The following YPEL1 variants were observed in gnomAD, a reference collection of about 807,000 sequenced individuals.
The protein encoded by YPEL1 is protein yippee-like 1.
In YPEL1, 7 loss-of-function variants were observed where a neutral mutation model predicts 17.3. The observed-to-expected ratio is 0.40, with a 90% CI of 0.23 to 0.76. The LOEUF (loss-of-function observed/expected upper bound fraction) is 0.76, where lower values mean the gene tolerates loss of function less well. Ranked by LOEUF, YPEL1 falls within the 30% of genes least tolerant of loss-of-function variation. The probability of loss-of-function intolerance (pLI) is 0.35; values close to 1 mark genes in which losing one functional copy is unlikely to be tolerated. For synonymous variants in YPEL1, 59 were observed against 59.6 expected, an observed-to-expected ratio of 0.99 and a Z score of 0.05; for missense variants, 91 against 155.5, an observed-to-expected ratio of 0.59 and a Z score of 2.21.
intron 1 of YPEL1, among the ~76,000 whole-genome samples, chr22:21,728,999 C>T (rs1438753904): frequency 7.9e-5 from 12 of 152,030 alleles, no homozygotes; most frequent in African/African-American, 1.4e-4. Context: ...AAAAATTAGC[C>T]GGGCATGGTG....
At chr22:21,722,051 C>A (rs572780132) in intron 1 of YPEL1, among the ~76,000 whole-genome samples, 1 of 152,274 alleles carries the variant, frequency 6.6e-6, no homozygotes, top group Admixed American at 6.5e-5. Context: ...TACAGAATTC[C>A]CTTGTCTTTT....
intron 1 of YPEL1, 118 bp from the exon 2 acceptor site, chr22:21,711,026 ATT>A (rs770316486): frequency 4.6e-3 from 1,192 of 257,818 alleles, no homozygotes; most frequent in South Asian, 8.1e-3. Context: ...CAGGACTAGA[ATT>A]TTTTTTTTTT....
intron 1 of YPEL1, among the ~76,000 whole-genome samples, chr22:21,728,736 G>A (rs373125441): frequency 2.6e-5 from 4 of 152,262 alleles, no homozygotes; most frequent in East Asian, 1.9e-4. Flanking sequence ...TAGGCCAGGC[G>A]TGGTGGCTCA....
chr22:21,718,984 AT>A (rs1224288927), intron 1 of YPEL1, among the ~76,000 whole-genome samples: 4 of 148,580 alleles, frequency 2.7e-5, no homozygotes, highest in Non-Finnish European at 6.0e-5. Flanking sequence ...GTTTCTTAGA[AT>A]CAAGAAGACC....
In YPEL1 at chr22:21,710,811, C is replaced by CT. The variant is rs2068157162; in HGVS notation, c.-68dup. On this transcript the variant is annotated 5_prime_UTR_variant, in exon 2 of 5. The change abolishes the stop of an existing upstream ORF in the 5' untranslated region. Coordinates refer to ENST00000339468, the MANE Select transcript of YPEL1 (RefSeq NM_013313.5). ...AAGAACCGTGGCTCTGCTGGCCTCT[C>CT]TGACAAAAGCAACACTGGAAAATGC... 1 of 1,406,920 alleles carries CT rather than the reference C, an allele frequency of 7.1e-7. No individual in the cohort carries two copies. Among genetic ancestry groups the CT allele is most frequent in the Non-Finnish European group, 1.0e-6 (1 of 992,060 alleles). The allele number at this position is 1,406,920 out of a possible 1,614,324, so 87.2% of individuals were successfully genotyped here.
intron 1 of YPEL1, among the ~76,000 whole-genome samples, chr22:21,713,584 G>T (rs1167737553): frequency 6.6e-6 from 1 of 152,162 alleles, no homozygotes; most frequent in East Asian, 1.9e-4. Context: ...CCAGGGGCAG[G>T]GGAGTCCCCG....
rs1251524001 is a variant in YPEL1 at position 21,697,837 on chromosome 22, A to G, written c.*3292T>C. 6.6e-6 allele frequency: 1 copy of G among 152,330 alleles called. No individual in the cohort carries two copies. The highest frequency in any genetic ancestry group is 1.5e-5 in the Non-Finnish European group (1 of 68,034). 9.4% of individuals were successfully genotyped at this position (152,330 alleles called of 1,614,324 possible). On this transcript the variant is annotated 3_prime_UTR_variant, in exon 5 of 5. Transcript: ENST00000339468. ...TTTAGAGCTTAATTTGTAGTTTTTT[A>G]GCTATTAAAACCATTTGAATTTTTA... is the stretch of plus-strand genomic sequence containing the variant.
chr22:21,707,146 A>T (rs948773727), intron 2 of YPEL1, among the ~76,000 whole-genome samples: 1 of 152,106 alleles, frequency 6.6e-6, no homozygotes, highest in African/African-American at 2.4e-5. Context: ...GACCTGGCAC[A>T]GTGCCTCATG....
chr22:21,712,790 T>C (rs2068183217), intron 1 of YPEL1, among the ~76,000 whole-genome samples: 1 of 150,142 alleles, frequency 6.7e-6, no homozygotes. Flanking sequence ...TATATTCTAG[T>C]TGTTAGAATA....
rs1402328727 is a variant in YPEL1 at position 21,699,695 on chromosome 22, G to A, written c.*1434C>T. On this transcript the variant is annotated 3_prime_UTR_variant, in exon 5 of 5. Coordinates refer to ENST00000339468, the MANE Select transcript of YPEL1 (RefSeq NM_013313.5). The stretch of plus-strand genomic sequence containing the variant: ...ATTCTGGCAAATGTCAAGTTTTGAA[G>A]TTTTTCCTGTGGGTTCTGGCCTCTT... 6.5e-6 allele frequency: 1 copy of A among 152,776 alleles called. No homozygotes were observed. The highest frequency in any genetic ancestry group is 1.5e-5 in the Non-Finnish European group (1 of 68,034). The allele number at this position is 152,776 out of a possible 1,614,324, so 9.5% of individuals were successfully genotyped here.
chr22:21,720,440 A>G (rs902228382), intron 1 of YPEL1, among the ~76,000 whole-genome samples: 4 of 151,952 alleles, frequency 2.6e-5, no homozygotes, highest in Non-Finnish European at 5.9e-5. Flanking sequence ...GGTTCAAGTG[A>G]TCTAACCGCC....
At chr22:21,722,010 G>A (rs2068288504) in intron 1 of YPEL1, among the ~76,000 whole-genome samples, 1 of 152,200 alleles carries the variant, frequency 6.6e-6, no homozygotes, top group Non-Finnish European at 1.5e-5. Flanking sequence ...AGCACATAAT[G>A]TCTTCAAGGT....
chr22:21,723,690 A>ATTTTTTTTTTTTTTTTTTTGTT, intron 1 of YPEL1, among the ~76,000 whole-genome samples: 1 of 144,744 alleles, frequency 6.9e-6, no homozygotes, highest in Non-Finnish European at 1.5e-5. Flanking sequence ...ATTTTAATTA[A>ATTTTTTTTTTTTTTTTTTTGTT]TTTTTTTTTT....
chr22:21,705,208 G>T (rs929913958), intron 2 of YPEL1, among the ~76,000 whole-genome samples: 1 of 152,276 alleles, frequency 6.6e-6, no homozygotes, highest in South Asian at 2.1e-4. Context: ...CGAACTCCTG[G>T]ACTGAAGTAA....
chr22:21,730,655 C>T (rs1201371489), intron 1 of YPEL1, among the ~76,000 whole-genome samples: 2 of 152,242 alleles, frequency 1.3e-5, no homozygotes, highest in Non-Finnish European at 2.9e-5. Flanking sequence ...CCACACACAT[C>T]CACTTCCTCC....
intron 2 of YPEL1, among the ~76,000 whole-genome samples, chr22:21,708,729 C>T (rs111570241): frequency 0.016 from 2,220 of 142,874 alleles, 58 homozygotes; most frequent in African/African-American, 0.055. Context: ...TGCAATGGCG[C>T]GATCTCGACT....
At chr22:21,706,201 C>G (rs2068114122) in intron 2 of YPEL1, among the ~76,000 whole-genome samples, 2 of 151,106 alleles carry the variant, frequency 1.3e-5, no homozygotes, top group Non-Finnish European at 2.9e-5. Context: ...AAGGCTGAGG[C>G]AGGCAGATCA....
chr22:21,723,226 A>ACT (rs2068300937), intron 1 of YPEL1: 1 of 151,410 alleles, frequency 6.6e-6, no homozygotes, highest in South Asian at 2.1e-4. Flanking sequence ...ACAGAGTCTC[A>ACT]CTCTGTCATC....
At chr22:21,714,786 CTGCCTGGCAGGTATAAGGCAG>C (rs1274813096) in intron 1 of YPEL1, among the ~76,000 whole-genome samples, 2 of 151,056 alleles carry the variant, frequency 1.3e-5, no homozygotes, top group African/African-American at 4.9e-5. Flanking sequence ...AACACTTCTG[CTGCCTGGCAGGTATAAGGCAG>C]CAGCATCTCA....
Sources: allele counts gnomAD v4.1 joint callset (sites outside exome capture counted in the v4.1 genomes callset), GRCh38; gene constraint gnomAD v4.1.1; transcripts MANE v1.5; gene names NCBI Gene and HGNC (gene_info 2026-07-23, HGNC 2026-07-21).